Variants in DLGAP1 observed in about 807,000 individuals in gnomAD.
DLGAP1 encodes disks large-associated protein 1.
In DLGAP1, 11 loss-of-function variants were observed where a neutral mutation model predicts 90.8. That is an observed-to-expected ratio of 0.12 (90% CI 0.08 to 0.20). The LOEUF (loss-of-function observed/expected upper bound fraction) is 0.20, where lower values mean the gene tolerates loss of function less well. Ranked by LOEUF, DLGAP1 falls within the 10% of genes least tolerant of loss-of-function variation. DLGAP1 has a pLI of 1.00. For synonymous variants in DLGAP1, 558 were observed against 540.7 expected, an observed-to-expected ratio of 1.03 and a Z score of -0.44; for missense variants, 1,050 against 1,333.8, an observed-to-expected ratio of 0.79 and a Z score of 3.31.
At chr18:4,374,975 T>C (rs574004177) in intron 1 of DLGAP1, among the ~76,000 whole-genome samples, 57 of 152,170 alleles carry the variant, frequency 3.7e-4, no homozygotes, top group African/African-American at 1.3e-3. Context: ...AAAAATAAAA[T>C]ATCACTTCTC....
At chr18:4,356,426 T>C (rs111250782) in intron 1 of DLGAP1, among the ~76,000 whole-genome samples, 36 of 152,274 alleles carry the variant, frequency 2.4e-4, no homozygotes, top group African/African-American at 8.4e-4. Context: ...GAGCTCCAGA[T>C]ACCCCACCAA....
At chr18:3,998,127 C>T (rs1222308594) in intron 3 of DLGAP1, among the ~76,000 whole-genome samples, 2 of 152,076 alleles carry the variant, frequency 1.3e-5, no homozygotes, top group Non-Finnish European at 2.9e-5. Context: ...TTAAAGGTTG[C>T]AAAATGGCAA....
chr18:4,408,960 TACACACACACACACACACAAAC>T (rs1022212967), intron 1 of DLGAP1, among the ~76,000 whole-genome samples: 40 of 73,816 alleles, frequency 5.4e-4, no homozygotes, highest in Non-Finnish European at 8.4e-4. Context: ...GAAACCATTA[TACACACACACACACACACAAAC>T]ACACACACAC....
chr18:4,280,055 C>A (rs548985149), intron 1 of DLGAP1, among the ~76,000 whole-genome samples: 3 of 152,216 alleles, frequency 2.0e-5, no homozygotes, highest in African/African-American at 7.2e-5. Flanking sequence ...CTGACATTTA[C>A]TTTTTTTCAT....
At chr18:4,042,486 C>T (rs138846329) in intron 2 of DLGAP1, among the ~76,000 whole-genome samples, 158 of 152,240 alleles carry the variant, frequency 1.0e-3, no homozygotes, top group Middle Eastern at 6.8e-3. Context: ...ACCTGTAATC[C>T]CAGCACTTTG....
chr18:4,245,659 AAAT>A (rs1248815942), intron 1 of DLGAP1, among the ~76,000 whole-genome samples: 1 of 152,262 alleles, frequency 6.6e-6, no homozygotes, highest in African/African-American at 2.4e-5. Context: ...TTACAGCAGG[AAAT>A]AATGATGTAT....
intron 3 of DLGAP1, chr18:3,983,328 T>C (rs1265615217): frequency 6.6e-6 from 1 of 152,214 alleles, no homozygotes; most frequent in East Asian, 1.9e-4. Flanking sequence ...AGGACAAATT[T>C]ATTTGTATGT....
At chr18:4,200,255 A>G (rs1282900821) in intron 1 of DLGAP1, among the ~76,000 whole-genome samples, 1 of 152,092 alleles carries the variant, frequency 6.6e-6, no homozygotes, top group East Asian at 1.9e-4. Flanking sequence ...TAAAATATCT[A>G]TACTATGTAC....
chr18:4,081,870 T>C (rs1281387404), intron 2 of DLGAP1, among the ~76,000 whole-genome samples: 2 of 152,122 alleles, frequency 1.3e-5, no homozygotes, highest in Admixed American at 1.3e-4. Context: ...TTTACTATGC[T>C]CCTAAAATCA....
intron 5 of DLGAP1, among the ~76,000 whole-genome samples, chr18:3,746,424 G>A (rs907232306): frequency 6.6e-6 from 1 of 152,072 alleles, no homozygotes; most frequent in Admixed American, 6.6e-5. Flanking sequence ...TAGAAGCATC[G>A]TGGTAAACTT....
intron 2 of DLGAP1, among the ~76,000 whole-genome samples, chr18:4,061,456 T>C (rs1419303162): frequency 6.6e-6 from 1 of 152,160 alleles, no homozygotes; most frequent in Non-Finnish European, 1.5e-5. Flanking sequence ...AATTGAACAT[T>C]GGAATAAAAG....
chr18:3,807,578 C>T (rs2066626119), intron 5 of DLGAP1, among the ~76,000 whole-genome samples: 2 of 152,142 alleles, frequency 1.3e-5, no homozygotes, highest in South Asian at 4.1e-4. Context: ...ATGTAAATAT[C>T]CCTCCTACTT....
intron 4 of DLGAP1, among the ~76,000 whole-genome samples, chr18:3,849,108 G>C (rs1244507010): frequency 6.6e-6 from 1 of 152,016 alleles, no homozygotes; most frequent in Non-Finnish European, 1.5e-5. Flanking sequence ...TGATTCCCTT[G>C]GCTCATTGTC....
intron 1 of DLGAP1, among the ~76,000 whole-genome samples, chr18:4,197,508 G>A (rs1369517182): frequency 6.6e-6 from 1 of 152,172 alleles, no homozygotes; most frequent in African/African-American, 2.4e-5. Context: ...GATAACAATG[G>A]TGGCATTGTG....
At chr18:4,154,028 T>G (rs1238948003) in intron 1 of DLGAP1, among the ~76,000 whole-genome samples, 2 of 152,140 alleles carry the variant, frequency 1.3e-5, no homozygotes, top group East Asian at 3.9e-4. Context: ...CTGCTCCCTC[T>G]TTTTCATTCT....
At chr18:3,855,553 T>C (rs2069588250) in intron 4 of DLGAP1, among the ~76,000 whole-genome samples, 1 of 152,094 alleles carries the variant, frequency 6.6e-6, no homozygotes. Flanking sequence ...AGTAATTAGG[T>C]ATATTTCCTG....
At chr18:3,534,692 T>TTA in intron 9 of DLGAP1, 77 bp from the exon 10 acceptor site, 15 of 1,266,866 alleles carry the variant, frequency 1.2e-5, no homozygotes, top group Non-Finnish European at 1.5e-5. Flanking sequence ...CTTCCTTTCT[T>TTA]TCTTTTTTTT....
chr18:4,195,081 A>C (rs557982596), intron 1 of DLGAP1, among the ~76,000 whole-genome samples: 1 of 152,306 alleles, frequency 6.6e-6, no homozygotes, highest in African/African-American at 2.4e-5. Flanking sequence ...AAGAAAAAAA[A>C]CCCAAATACC....
At chr18:3,646,907 A>G (rs571346332) in intron 7 of DLGAP1, among the ~76,000 whole-genome samples, 1 of 150,020 alleles carries the variant, frequency 6.7e-6, no homozygotes, top group South Asian at 2.1e-4. Context: ...CCTGGGCAAC[A>G]GGGCGAGACT....
Sources: allele counts gnomAD v4.1 joint callset (sites outside exome capture counted in the v4.1 genomes callset), GRCh38; gene constraint gnomAD v4.1.1; transcripts MANE v1.5; gene names NCBI Gene and HGNC (gene_info 2026-07-23, HGNC 2026-07-21).